ENTPD2: variants seen among roughly 807,000 people sequenced by gnomAD.
ENTPD2 encodes ectonucleoside triphosphate diphosphohydrolase 2.
A neutral mutation model predicts 46.8 loss-of-function variants in ENTPD2; 48 were observed. That is an observed-to-expected ratio of 1.03 (90% CI 0.81 to 1.30). The LOEUF is 1.30. Among genes scored for constraint, ENTPD2 ranks in the 50% most tolerant of loss-of-function variants. ENTPD2 has a pLI of 0.00. For synonymous variants in ENTPD2, 316 were observed against 286.1 expected (o/e 1.10, Z -1.06); for missense variants, 707 against 651.1 (o/e 1.09, Z -0.93).
At chr9:137,053,619 G>C (rs1047971083) in intron 1 of ENTPD2, among the ~76,000 whole-genome samples, 4 of 152,226 alleles carry the variant, frequency 2.6e-5, no homozygotes, top group Non-Finnish European at 2.9e-5. Context: ...CTGCGTTGAC[G>C]GACTCGGCGG....
Position 137,051,495 on chromosome 9 carries a change from C to A in ENTPD2, c.386+15G>T. ...GGCCATCATGGGGACAGGGCCAGGG[C>A]ACAGGCACACTCACTTGAGCAGGCG... On this transcript the variant is annotated intron_variant, in intron 3 of 8. Coordinates refer to ENST00000355097, the MANE Select transcript of ENTPD2 (RefSeq NM_203468.3). 6.3e-7 allele frequency: 1 copy of A among 1,579,846 alleles called. No homozygotes were observed. The highest frequency in any genetic ancestry group is 8.6e-7 in the Non-Finnish European group (1 of 1,161,486).
chr9:137,050,597 A>T, intron 5 of ENTPD2, 59 bp from the exon 6 acceptor site: 1 of 1,577,110 alleles, frequency 6.3e-7, no homozygotes, highest in South Asian at 1.2e-5. Context: ...GACCAGCCTG[A>T]CAAACCTCCC....
intron 3 of ENTPD2, 30 bp downstream of exon 3, chr9:137,051,480 G>T (rs371255582): frequency 2.2e-4 from 343 of 1,561,714 alleles, no homozygotes; most frequent in Non-Finnish European, 2.7e-4. Flanking sequence ...GGCCATCATG[G>T]GGACAGGGCC....
intron 1 of ENTPD2, 116 bp from the exon 2 acceptor site, chr9:137,052,464 G>A (rs11145979): frequency 0.65 from 520,570 of 797,364 alleles, 172,019 homozygotes; most frequent in Non-Finnish European, 0.67. Context: ...ACCCAGTCAT[G>A]TGCCAAGCCT....
At position 137,048,977 on chromosome 9, in the gene ENTPD2, G is replaced by GAAGCCGAAGGCGCGCTCA; in HGVS notation, c.1247_1248insTGAGCGCGCCTTCGGCTT (p.Gly421_Gly422insPheGluArgAlaPheGly). 6.5e-7 allele frequency: 1 copy of GAAGCCGAAGGCGCGCTCA among 1,534,320 alleles called. No homozygotes were observed. The highest frequency in any genetic ancestry group is 8.7e-7 in the Non-Finnish European group (1 of 1,143,628). On this transcript the variant is annotated inframe_insertion, in exon 8 of 9. Transcript: ENST00000355097. ...AGATCACGCCGCCGAAGGCGCGCTCGTCGAAGCCGTAGCCGCGACTCAGCA... is the reference window on the plus strand; with the variant it reads ...AGATCACGCCGCCGAAGGCGCGCTCGAAGCCGAAGGCGCGCTCATCGAAGCCGTAGCCGCGACTCAGCA...
Position 137,050,490 on chromosome 9 carries a change from G to A in ENTPD2, c.823C>T (p.Leu275=). Residue 275 remains leucine (L), a synonymous_variant, in exon 6 of 9, where the codon CTG becomes TTG. Transcript: ENST00000355097. ...GGTGACTGGTACACATCCCCGAGCA[G>A]CACTTGGGTGGAAAAGCCCCTCGGC... ...CWPRGFSTQV[L]LGDVYQSPCT... 6.2e-7 allele frequency: 1 copy of A among 1,612,832 alleles called. No individual in the cohort carries two copies. The highest frequency in any genetic ancestry group is 8.5e-7 in the Non-Finnish European group (1 of 1,179,980).
chr9:137,051,379 C>A lies in ENTPD2; in HGVS notation c.387-9G>T. The stretch of plus-strand genomic sequence containing the variant: ...CCTCTGGATTGGTCAGGCTGCAAAA[C>A]ACAGAGAACTCCAAGAGGCCTTCTC... On this transcript the variant is annotated splice_polypyrimidine_tract_variant and intron_variant, in intron 3 of 8. Transcript: ENST00000355097. 1 of 1,545,168 alleles carries A rather than the reference C, an allele frequency of 6.5e-7. No homozygotes were observed. The highest frequency in any genetic ancestry group is 8.7e-7 in the Non-Finnish European group (1 of 1,144,466).
At chr9:137,053,636 C>T (rs1037974706) in intron 1 of ENTPD2, among the ~76,000 whole-genome samples, 12 of 152,150 alleles carry the variant, frequency 7.9e-5, no homozygotes, top group Admixed American at 2.6e-4. Flanking sequence ...GCGGCGGGCG[C>T]GGAACTCCCG....
At chr9:137,050,823 C>A in intron 5 of ENTPD2, 79 bp downstream of exon 5, 1 of 1,517,318 alleles carries the variant, frequency 6.6e-7, no homozygotes, top group Non-Finnish European at 9.0e-7. Context: ...CTGGAGAAGC[C>A]TTCCACAGCA....
rs2271866 is a variant in ENTPD2 at position 137,052,313 on chromosome 9, C to G, written c.153G>C (p.Thr51=). The G allele has an allele frequency of 1.4e-4, 218 of 1,559,842 alleles. 1 individual carries two copies. The Middle Eastern group carries it at 4.1e-3, about 29-fold the overall frequency. ...GIVLDAGSSH[T]SMFIYKWPAD... is the part of the protein sequence containing the mutation. ...CCGGCCACTTGTAGATAAACATGGA[C>G]GTGTGTGAAGAACCAGCGTCCAGGA... The change falls in exon 2 of 9, where the codon ACG becomes ACC. Residue 51 remains threonine, a synonymous_variant. Coordinates refer to ENST00000355097, the MANE Select transcript of ENTPD2 (RefSeq NM_203468.3).
Position 137,048,960 on chromosome 9 carries a change from C to G in ENTPD2, c.1265G>C (p.Gly422Ala), listed in dbSNP as rs924557476. The change falls in exon 8 of 9, where the codon GGC becomes GCC. Residue 422 changes from glycine to alanine, a missense_variant. Transcript: ENST00000355097. ...GCCCACCTTCTTCTGGAAGATCACG[C>G]CGCCGAAGGCGCGCTCGTCGAAGCC... Reference protein sequence around the residue: ...GYGFDERAFGGVIFQKKAADT... With the variant: ...GYGFDERAFGAVIFQKKAADT... The G allele has an allele frequency of 1.9e-4, 297 of 1,532,936 alleles. No homozygotes were observed. The highest frequency in any genetic ancestry group is 2.5e-4 in the Non-Finnish European group (283 of 1,143,208). The allele number at this position is 1,532,936 out of a possible 1,614,324, so 95.0% of individuals were successfully genotyped here.
Position 137,054,050 on chromosome 9 carries a change from CCGGAGG to C in ENTPD2, c.-59_-54del. ...GCGTGGACCCGGAGAGTGCGGGGAG[CCGGAGG>C]CGGAGGCGGGCGGGGCCGCGGGACC... is the stretch of plus-strand genomic sequence containing the variant. On this transcript the variant is annotated 5_prime_UTR_variant, in exon 1 of 9. Coordinates refer to ENST00000355097, the MANE Select transcript of ENTPD2 (RefSeq NM_203468.3). 6 of 1,150,910 alleles carry C rather than the reference CCGGAGG, an allele frequency of 5.2e-6. No homozygotes were observed. Among genetic ancestry groups the C allele is most frequent in the Non-Finnish European group, 6.5e-6 (6 of 924,254 alleles). 71.3% of individuals were successfully genotyped at this position (1,150,910 alleles called of 1,614,324 possible).
chr9:137,049,061 C>CA lies in ENTPD2; in HGVS notation c.1163dup (p.Pro389AlafsTer250). On this transcript the variant is annotated frameshift_variant, in exon 8 of 9. Transcript: ENST00000355097. LOFTEE classifies it high-confidence loss of function. ...CGGCCAGGCGGGCCCGTTGCCCTGGCACCCGAGCTTGCAGCTGGGACGCGG... is the reference window on the plus strand; with the variant it reads ...CGGCCAGGCGGGCCCGTTGCCCTGGCAACCCGAGCTTGCAGCTGGGACGCGG... The CA allele has an allele frequency of 6.5e-7, 1 of 1,533,408 alleles. No individual in the cohort carries two copies. The highest frequency in any genetic ancestry group is 8.7e-7 in the Non-Finnish European group (1 of 1,144,658). 95.0% of individuals were successfully genotyped at this position (1,533,408 alleles called of 1,614,324 possible).
Position 137,048,851 on chromosome 9 carries a change from T to C in ENTPD2, c.1294A>G (p.Thr432Ala), listed in dbSNP as rs1296957464. ...GVIFQKKAAD[T>A]AVGWALGYML... ...TAGCCGAGCGCCCAGCCCACTGCAG[T>C]GTCCGCGGCCTGCGGGGAAGGGCGT... is the stretch of plus-strand genomic sequence containing the variant. Residue 432 changes from threonine to alanine, a missense_variant, in exon 9 of 9, where the codon ACT (threonine) becomes GCT (alanine). Transcript: ENST00000355097. 6.5e-7 allele frequency: 1 copy of C among 1,540,632 alleles called. No individual in the cohort carries two copies. The highest frequency in any genetic ancestry group is 8.7e-7 in the Non-Finnish European group (1 of 1,145,466).
At chr9:137,052,417 A>G in intron 1 of ENTPD2, 69 bp from the exon 2 acceptor site, 2 of 1,313,746 alleles carry the variant, frequency 1.5e-6, no homozygotes, top group South Asian at 1.3e-5. Flanking sequence ...CCAAACGTGA[A>G]GTTGGGTTCC....
chr9:137,049,889 C>G lies in ENTPD2; in HGVS notation c.1130G>C (p.Cys377Ser). Residue 377 changes from cysteine (C) to serine (S), a missense_variant, in exon 7 of 9, where the codon TGC (cysteine) becomes TCC (serine). Physicochemically the swap from Cys to Ser is moderately radical, Grantham distance 112. Transcript: ENST00000355097. The stretch of plus-strand genomic sequence containing the variant: ...GCTCACCTGAGCCCAGGTCTGGTTG[C>G]AGACATTCACTGCGGCTGCCTCCAG... ...QQLEAAAVNV[C>S]NQTWAQLQAR... is the part of the protein sequence containing the mutation. The G allele has an allele frequency of 6.2e-7, 1 of 1,611,694 alleles. No individual in the cohort carries two copies. Among genetic ancestry groups the G allele is most frequent in the Non-Finnish European group, 8.5e-7 (1 of 1,179,612 alleles).
Position 137,051,309 on chromosome 9 carries a change from A to AC in ENTPD2, c.447dup (p.Tyr150ValfsTer4). Reference sequence around the variant, plus strand: ...CGTGCACCCCGGAAGTCAAAGGGGTACTGGGTCAGTGTGTGAGTCACTGCC... The same window carrying AC: ...CGTGCACCCCGGAAGTCAAAGGGGTACCTGGGTCAGTGTGTGAGTCACTGCC... On this transcript the variant is annotated frameshift_variant, in exon 4 of 9. Coordinates refer to ENST00000355097, the MANE Select transcript of ENTPD2 (RefSeq NM_203468.3). LOFTEE classifies it high-confidence loss of function. 6.2e-7 allele frequency: 1 copy of AC among 1,604,778 alleles called. No homozygotes were observed. The highest frequency in any genetic ancestry group is 8.5e-7 in the Non-Finnish European group (1 of 1,175,042).
In ENTPD2 at chr9:137,048,769, G is replaced by T. The variant is rs777256965; in HGVS notation, c.1376C>A (p.Thr459Lys). 6 of 1,598,914 alleles carry T rather than the reference G, an allele frequency of 3.8e-6. No homozygotes were observed. In the Admixed American group the frequency reaches 1.0e-4, roughly 27 times the overall value. Residue 459 changes from threonine to lysine, a missense_variant, in exon 9 of 9, where the codon ACA becomes AAA. Physicochemically the swap from Thr to Lys is moderately conservative, Grantham distance 78. Coordinates refer to ENST00000355097, the MANE Select transcript of ENTPD2 (RefSeq NM_203468.3). ...PADPPGLRKG[T>K]DFSSWVVLLL... Reference sequence around the variant, plus strand: ...GAGGACGACCCAGGAGCTGAAGTCTGTGCCCTTGCGCAGCCCCGGCGGGTC... The same window carrying T: ...GAGGACGACCCAGGAGCTGAAGTCTTTGCCCTTGCGCAGCCCCGGCGGGTC...
rs1588556404 is a variant in ENTPD2 at position 137,051,724 on chromosome 9, G to A, written c.236-64C>T. 1.7e-5 allele frequency: 25 copies of A among 1,511,068 alleles called. No homozygotes were observed. In the South Asian group the frequency reaches 2.9e-4, roughly 17 times the overall value. 93.6% of individuals were successfully genotyped at this position (1,511,068 alleles called of 1,614,324 possible). A position where few individuals can be genotyped will look rare whatever the true frequency, so the allele number is the denominator to read the frequency against. Reference sequence around the variant, plus strand: ...CAGCCCCTAGGTGGGCCGTAGGCCAGGAGAGTGAGGGTGGGGGTGGGGGCC... The same window carrying A: ...CAGCCCCTAGGTGGGCCGTAGGCCAAGAGAGTGAGGGTGGGGGTGGGGGCC... On this transcript the variant is annotated intron_variant, in intron 2 of 8. Transcript: ENST00000355097.
Sources: gnomAD v4.1 joint callset for allele counts (sites outside exome capture counted in the v4.1 genomes callset) on GRCh38, gnomAD v4.1.1 for gene constraint, MANE v1.5 for transcripts, NCBI Gene and HGNC (gene_info 2026-07-23, HGNC 2026-07-21) for gene names.